The following ATAD2B variants were observed in gnomAD, a reference collection of about 807,000 sequenced individuals.
ATAD2B encodes the protein ATPase family AAA domain containing 2B, also known as ATPase family AAA domain-containing protein 2B.
A neutral mutation model predicts 167.6 loss-of-function variants in ATAD2B; 40 were observed. That is an observed-to-expected ratio of 0.24 (90% CI 0.19 to 0.31). The LOEUF is 0.31. Among genes scored for constraint, ATAD2B ranks in the 10% least tolerant of loss-of-function variants. The probability of loss-of-function intolerance (pLI) is 1.00; values close to 1 mark genes in which losing one functional copy is unlikely to be tolerated. For missense variants in ATAD2B, 1,242 were observed against 1,757.2 expected (o/e 0.71, Z 5.24); for synonymous variants, 579 against 596.5 (o/e 0.97, Z 0.43).
At chr2:23,737,525 T>G in the ATAD2B span, among the ~76,000 whole-genome samples, 47 of 152,126 alleles carry the variant, frequency 3.1e-4, no homozygotes, top group African/African-American at 1.1e-3. Flanking sequence ...AGAAAGGACA[T>G]CCACACCAAA....
At chr2:23,905,835 G>C (rs1421113648) in intron 1 of ATAD2B, among the ~76,000 whole-genome samples, 3 of 152,092 alleles carry the variant, frequency 2.0e-5, no homozygotes, top group Non-Finnish European at 4.4e-5. Context: ...AGATACTAAA[G>C]ATACTTAGCA....
intron 9 of ATAD2B, among the ~76,000 whole-genome samples, chr2:23,869,033 T>A (rs886582628): frequency 3.9e-5 from 6 of 152,228 alleles, no homozygotes; most frequent in African/African-American, 1.4e-4. Flanking sequence ...TCTTTTTTAG[T>A]ACACTATCTA....
the ATAD2B span, among the ~76,000 whole-genome samples, chr2:23,720,436 T>C: frequency 6.6e-6 from 1 of 152,026 alleles, no homozygotes; most frequent in Non-Finnish European, 1.5e-5. Flanking sequence ...TAGCTGGACA[T>C]GATGGCACAT....
chr2:23,692,511 A>T, the ATAD2B span, among the ~76,000 whole-genome samples: 3 of 152,326 alleles, frequency 2.0e-5, no homozygotes, highest in African/African-American at 7.2e-5. Context: ...GCAGAGAGAA[A>T]GCCAGAGCCC....
intron 19 of ATAD2B, among the ~76,000 whole-genome samples, chr2:23,794,158 C>T (rs529676468): frequency 4.6e-5 from 7 of 152,238 alleles, no homozygotes; most frequent in African/African-American, 9.6e-5. Flanking sequence ...TACAGGCACG[C>T]GCCATCATAC....
chr2:23,821,890 G>A (rs979909625), intron 16 of ATAD2B, among the ~76,000 whole-genome samples: 1 of 152,102 alleles, frequency 6.6e-6, no homozygotes, highest in African/African-American at 2.4e-5. Flanking sequence ...CTGACCTCAG[G>A]TGATCCACCC....
chr2:23,923,441 C>T (rs1019464635), intron 1 of ATAD2B, among the ~76,000 whole-genome samples: 4 of 152,074 alleles, frequency 2.6e-5, no homozygotes, highest in African/African-American at 9.7e-5. Flanking sequence ...TACTGTATTG[C>T]ATACTTAAAA....
At chr2:23,832,008 G>A (rs1044552246) in intron 14 of ATAD2B, among the ~76,000 whole-genome samples, 2 of 152,058 alleles carry the variant, frequency 1.3e-5, no homozygotes, top group Admixed American at 1.3e-4. Context: ...CTCCAATTAA[G>A]CTTTTGCACC....
the ATAD2B span, chr2:23,695,858 G>A: frequency 6.5e-7 from 1 of 1,539,072 alleles, no homozygotes; most frequent in Non-Finnish European, 8.8e-7. This position sits in a 1 kb window ranked among gnomAD's most constrained non-coding sequence, Gnocchi z 7.6. Context: ...CCAAGAAGCA[G>A]TGTCTTGGGC....
intron 9 of ATAD2B, 32 bp from the exon 10 acceptor site, chr2:23,867,978 A>ACT: frequency 6.9e-7 from 1 of 1,439,316 alleles, no homozygotes. Context: ...GTAAAGTTGC[A>ACT]TTAAAAGTTT....
At chr2:23,699,698 C>T in the ATAD2B span, among the ~76,000 whole-genome samples, 4 of 152,202 alleles carry the variant, frequency 2.6e-5, no homozygotes, top group African/African-American at 9.7e-5. Context: ...TCTCGGCGCC[C>T]AGCCCTGGGG....
At position 23,869,752 on chromosome 2, in the gene ATAD2B, C is replaced by T. The variant is rs1695641601; in HGVS notation, c.987G>A (p.Lys329=). 6.4e-7 allele frequency: 1 copy of T among 1,557,650 alleles called. No homozygotes were observed. The highest frequency in any genetic ancestry group is 8.7e-7 in the Non-Finnish European group (1 of 1,148,472). ...PARRSHIRRK[K]HAIHSSDTTS... ...TTGTGTCACTACTATGAATGGCATG[C>T]TTCTTTCTCCTATTTAAAGAGAGTA... Residue 329 remains lysine, a synonymous_variant, in exon 9 of 28, where the codon AAG becomes AAA. Coordinates refer to ENST00000238789, the MANE Select transcript of ATAD2B (RefSeq NM_017552.4).
chr2:23,758,917 G>A (rs1400883202), intron 24 of ATAD2B, among the ~76,000 whole-genome samples: 7 of 152,270 alleles, frequency 4.6e-5, no homozygotes, highest in African/African-American at 1.7e-4. Flanking sequence ...TGAGCTTTAT[G>A]AGTAGGCAGC....
intron 22 of ATAD2B, among the ~76,000 whole-genome samples, chr2:23,766,931 A>AC (rs527598828): frequency 8.4e-4 from 128 of 151,556 alleles, no homozygotes; most frequent in Non-Finnish European, 1.4e-3. Context: ...AAAAAAAAAA[A>AC]AACAACTAGT....
At chr2:23,728,528 T>C in the ATAD2B span, among the ~76,000 whole-genome samples, 1 of 152,132 alleles carries the variant, frequency 6.6e-6, no homozygotes. Flanking sequence ...TAACATGAAC[T>C]AAAACCAAAA....
chr2:23,745,225 G>A (rs761973572), downstream of ATAD2B, among the ~76,000 whole-genome samples: 4 of 151,928 alleles, frequency 2.6e-5, no homozygotes, highest in Admixed American at 6.6e-5. Flanking sequence ...AGGCAGAGGC[G>A]GCAGTGAGCC....
In ATAD2B at chr2:23,885,774, G is replaced by A. The variant is rs1698581172; in HGVS notation, c.628C>T (p.Arg210Ter). The A allele has an allele frequency of 6.3e-7, 1 of 1,599,450 alleles. No homozygotes were observed. Residue 210 changes from arginine (R) to a stop codon, truncating the protein, a stop_gained, in exon 5 of 28, where the codon CGA (arginine) becomes TGA (stop). Transcript: ENST00000238789. LOFTEE classifies it high-confidence loss of function. ...CGAAGTCGTTCTACTTCTCCTGATC[G>A]ACGATTCCGTCGGATGTTAATGTTG... ...MDNINIRRNR[R>*]SGEVERLRMW... is the part of the protein sequence containing the mutation.
chr2:23,764,633 A>G (rs1014418825), intron 23 of ATAD2B, among the ~76,000 whole-genome samples: 3 of 152,216 alleles, frequency 2.0e-5, no homozygotes, highest in Admixed American at 6.5e-5. Flanking sequence ...AACAAATAAT[A>G]TAATGCCAAA....
chr2:23,832,037 T>C (rs972252933), intron 14 of ATAD2B, among the ~76,000 whole-genome samples: 2 of 152,196 alleles, frequency 1.3e-5, no homozygotes, highest in Non-Finnish European at 2.9e-5. Flanking sequence ...ACTGAAACTG[T>C]TCTCATCAGA....
Sources: gnomAD v4.1 joint callset for allele counts (sites outside exome capture counted in the v4.1 genomes callset) on GRCh38, gnomAD v4.1.1 for gene constraint, Gnocchi (gnomAD v3.1) non-coding constraint, MANE v1.5 for transcripts, NCBI Gene and HGNC (gene_info 2026-07-23, HGNC 2026-07-21) for gene names.